Variants in SLC39A11 observed in about 807,000 individuals in gnomAD.
SLC39A11 encodes zinc transporter ZIP11.
SLC39A11 carries 33 observed loss-of-function variants against 36.1 expected under a neutral mutation model. The ratio of observed to expected loss-of-function variants is 0.91; its 90% CI spans 0.69 to 1.22. The LOEUF (loss-of-function observed/expected upper bound fraction) is 1.22. Among genes scored for constraint, SLC39A11 ranks in the 50% most tolerant of loss-of-function variants. The probability of loss-of-function intolerance (pLI) is 0.00; values close to 1 mark genes in which losing one functional copy is unlikely to be tolerated. For missense variants in SLC39A11, 432 were observed against 430.3 expected (o/e 1.00, Z -0.03); for synonymous variants, 166 against 170.3 (o/e 0.97, Z 0.20).
At chr17:72,679,394 A>G (rs2071410147) in intron 7 of SLC39A11, among the ~76,000 whole-genome samples, 1 of 152,200 alleles carries the variant, frequency 6.6e-6, no homozygotes, top group Non-Finnish European at 1.5e-5. Context: ...ACAATTACCT[A>G]TCAATTAAAA....
chr17:72,861,668 T>TATATATC lies in SLC39A11; in HGVS notation c.431-11865_431-11864insGATATAT, dbSNP rs1555605386. ...CTATATACAACACATTATATATATA[T>TATATATC]ATATATATATATATATATATAAAAT... On this transcript the variant is annotated intron_variant, in intron 5 of 9. Transcript: ENST00000255559. Among the ~76,000 whole-genome samples the TATATATC allele has an allele frequency of 2.4e-4, 26 of 107,112 alleles. 1 individual carries two copies. The highest frequency in any genetic ancestry group is 1.1e-3 in the African/African-American group (26 of 24,650). The allele number at this position is 107,112 out of a possible 152,430, so 70.3% of individuals were successfully genotyped here. A position where few individuals can be genotyped will look rare whatever the true frequency, so the allele number is the denominator to read the frequency against.
chr17:72,696,457 G>A (rs1001595773), intron 7 of SLC39A11, among the ~76,000 whole-genome samples: 8 of 152,292 alleles, frequency 5.3e-5, no homozygotes, highest in South Asian at 2.1e-4. Flanking sequence ...GGGAGGGTAA[G>A]TGACTCTTCC....
intron 4 of SLC39A11, among the ~76,000 whole-genome samples, chr17:72,996,619 T>A (rs1370884529): frequency 6.6e-6 from 1 of 152,212 alleles, no homozygotes; most frequent in East Asian, 1.9e-4. Flanking sequence ...GTGTCTTTGC[T>A]TCCCTTGTCT....
chr17:72,772,266 T>C (rs12603121), intron 6 of SLC39A11, among the ~76,000 whole-genome samples: 6,533 of 152,286 alleles, frequency 0.043, 384 homozygotes, highest in East Asian at 0.23. Context: ...CTGAGCACTC[T>C]GTGCCACTGC....
intron 5 of SLC39A11, among the ~76,000 whole-genome samples, chr17:72,911,367 A>G (rs1368879786): frequency 1.3e-5 from 2 of 152,026 alleles, no homozygotes; most frequent in African/African-American, 4.8e-5. Context: ...GTATACATAT[A>G]TAACAAACCT....
At chr17:72,773,853 G>A (rs911102495) in intron 6 of SLC39A11, among the ~76,000 whole-genome samples, 1 of 152,294 alleles carries the variant, frequency 6.6e-6, no homozygotes, top group South Asian at 2.1e-4. Flanking sequence ...CAGACAAGGA[G>A]GAACAGGGGC....
intron 5 of SLC39A11, among the ~76,000 whole-genome samples, chr17:72,890,014 C>A (rs962721800): frequency 1.3e-5 from 2 of 151,980 alleles, no homozygotes; most frequent in African/African-American, 4.8e-5. Flanking sequence ...AATCCCAGCA[C>A]TTTGGGAGGC....
At chr17:73,084,318 T>C (rs2060644349) in intron 3 of SLC39A11, among the ~76,000 whole-genome samples, 1 of 151,396 alleles carries the variant, frequency 6.6e-6, no homozygotes, top group African/African-American at 2.4e-5. Flanking sequence ...ATGCCTGTAG[T>C]CCCAGCTACT....
At chr17:72,649,630 CTTTTTTTCTTTTTCT>C (rs2069752955) in intron 7 of SLC39A11, among the ~76,000 whole-genome samples, 1 of 144,024 alleles carries the variant, frequency 6.9e-6, no homozygotes, top group African/African-American at 2.8e-5. Context: ...GTTTCTTTTT[CTTTTTTTCTTTTTCT>C]TTTTTTTTTT....
chr17:72,900,484 G>A lies in SLC39A11; in HGVS notation c.430+47268C>T, dbSNP rs148897943. Among the ~76,000 whole-genome samples, 1,346 of 152,218 alleles carry A rather than the reference G, an allele frequency of 8.8e-3. 17 individuals are homozygous for A. The highest frequency in any genetic ancestry group is 0.03 in the African/African-American group (1,260 of 41,534). On this transcript the variant is annotated intron_variant, in intron 5 of 9. Transcript: ENST00000255559. ...AAAGAGGAATGAAGGGGGCGGGCTG[G>A]GGTGACAGTAAATGAGTCCAGAGGG...
intron 4 of SLC39A11, among the ~76,000 whole-genome samples, chr17:73,001,457 A>C (rs929585738): frequency 2.0e-5 from 3 of 150,086 alleles, no homozygotes; most frequent in Non-Finnish European, 4.4e-5. Flanking sequence ...AGATATACCT[A>C]ATGCTAAATG....
chr17:73,027,666 G>A (rs899023332), intron 4 of SLC39A11, among the ~76,000 whole-genome samples: 2 of 152,198 alleles, frequency 1.3e-5, no homozygotes, highest in Non-Finnish European at 1.5e-5. Context: ...CAGAAATGGA[G>A]TTAAAGAACA....
At position 73,004,232 on chromosome 17, in the gene SLC39A11, A is replaced by AAAGAAAGAAAAGAAAG; in HGVS notation, c.306+27323_306+27324insCTTTCTTTTCTTTCTT. 3.9e-4 allele frequency among the ~76,000 whole-genome samples: 35 copies of AAAGAAAGAAAAGAAAG among 88,710 alleles called. 3 individuals carry two copies. Among genetic ancestry groups the AAAGAAAGAAAAGAAAG allele is most frequent in the South Asian group, 3.2e-3 (8 of 2,484 alleles). The allele number at this position is 88,710 out of a possible 152,430, so 58.2% of individuals were successfully genotyped here. On this transcript the variant is annotated intron_variant, in intron 4 of 9. Transcript: ENST00000255559. The stretch of plus-strand genomic sequence containing the variant: ...GAAAGAAAGAAAGAAAGAAAGAAAG[A>AAAGAAAGAAAAGAAAG]AAAGAAAGAAAGAGAAAAAGCAAGC...
chr17:72,719,067 C>T (rs1375051801), intron 7 of SLC39A11, among the ~76,000 whole-genome samples: 1 of 143,116 alleles, frequency 7.0e-6, no homozygotes, highest in Non-Finnish European at 1.5e-5. Context: ...GGCAAAACCC[C>T]GAATCTACTA....
At chr17:72,719,478 C>T (rs2073558919) in intron 7 of SLC39A11, among the ~76,000 whole-genome samples, 1 of 152,210 alleles carries the variant, frequency 6.6e-6, no homozygotes, top group Non-Finnish European at 1.5e-5. Context: ...ACCCTGCCCC[C>T]CAGAACTAAA....
chr17:72,858,035 C>T (rs548500522), intron 5 of SLC39A11, among the ~76,000 whole-genome samples: 7 of 152,256 alleles, frequency 4.6e-5, no homozygotes, highest in South Asian at 2.1e-4. Context: ...GGATCTTTAC[C>T]ATGAAATCTT....
intron 6 of SLC39A11, among the ~76,000 whole-genome samples, chr17:72,814,858 T>C (rs1009703480): frequency 6.6e-6 from 1 of 152,192 alleles, no homozygotes; most frequent in Non-Finnish European, 1.5e-5. Flanking sequence ...TGGTCCACAC[T>C]TGAGAATCTG....
At chr17:73,068,217 C>T in intron 3 of SLC39A11, 2 of 973,590 alleles carry the variant, frequency 2.1e-6, no homozygotes, top group Non-Finnish European at 3.1e-6. Flanking sequence ...TCTGGGGAGA[C>T]CTCCGTAAGT....
At chr17:72,928,725 A>G (rs911052489) in intron 5 of SLC39A11, among the ~76,000 whole-genome samples, 7 of 152,202 alleles carry the variant, frequency 4.6e-5, no homozygotes, top group Non-Finnish European at 1.0e-4. Flanking sequence ...CTCAAGCATT[A>G]GAGCAAGATT....
Sources: allele counts gnomAD v4.1 joint callset (sites outside exome capture counted in the v4.1 genomes callset), GRCh38; gene constraint gnomAD v4.1.1; transcripts MANE v1.5; gene names NCBI Gene and HGNC (gene_info 2026-07-23, HGNC 2026-07-21).